The following PIEZO2 variants were observed in gnomAD, a reference collection of about 807,000 sequenced individuals.
PIEZO2 encodes piezo type mechanosensitive ion channel component 2, also known as piezo-type mechanosensitive ion channel component 2.
A neutral mutation model predicts 337.3 loss-of-function variants in PIEZO2; 172 were observed. The observed-to-expected ratio is 0.51, with a 90% CI of 0.45 to 0.58. The LOEUF (loss-of-function observed/expected upper bound fraction) is 0.58. PIEZO2 is among the 20% of genes least tolerant of loss of function. The probability of loss-of-function intolerance (pLI) is 0.00; values close to 1 mark genes in which losing one functional copy is unlikely to be tolerated. For synonymous variants in PIEZO2, 1,251 were observed against 1,228.5 expected (o/e 1.02, Z -0.38); for missense variants, 3,028 against 3,391.3 (o/e 0.89, Z 2.66).
intron 3 of PIEZO2, among the ~76,000 whole-genome samples, chr18:10,950,765 C>T (rs1049575280): frequency 1.3e-5 from 2 of 152,150 alleles, no homozygotes; most frequent in Admixed American, 6.5e-5. Flanking sequence ...CTCGTACCGG[C>T]CTTACACTGT....
Position 11,044,283 on chromosome 18 carries a change from C to T in PIEZO2, c.160+21844G>A, listed in dbSNP as rs139774023. Among the ~76,000 whole-genome samples, 1,477 of 151,568 alleles carry T rather than the reference C, an allele frequency of 9.7e-3. 34 individuals are homozygous for T. The highest frequency in any genetic ancestry group is 0.034 in the African/African-American group (1,394 of 41,368). Reference sequence around the variant, plus strand: ...ATAAAGTCTTTTCAAAATGTGGAAACAAATATTATTAATAATAACTTAAGC... The same window carrying T: ...ATAAAGTCTTTTCAAAATGTGGAAATAAATATTATTAATAATAACTTAAGC... On this transcript the variant is annotated intron_variant, in intron 2 of 55. Coordinates refer to ENST00000674853, the MANE Select transcript of PIEZO2 (RefSeq NM_001378183.1).
At position 10,851,227 on chromosome 18, in the gene PIEZO2, A is replaced by G. The variant is rs185091963; in HGVS notation, c.917+4126T>C. Among the ~76,000 whole-genome samples, 196 of 147,932 alleles carry G rather than the reference A, an allele frequency of 1.3e-3. 3 individuals carry two copies. In the Middle Eastern group the frequency reaches 0.028, roughly 21 times the overall value. On this transcript the variant is annotated intron_variant, in intron 7 of 55. Coordinates refer to ENST00000674853, the MANE Select transcript of PIEZO2 (RefSeq NM_001378183.1). ...CAGAGTTTGGGGTTAATAACAATAC[A>G]CTGAAATTATGCCCTAGGATAAAGC...
chr18:10,772,524 G>T (rs2038640703), intron 20 of PIEZO2, among the ~76,000 whole-genome samples: 1 of 151,950 alleles, frequency 6.6e-6, no homozygotes, highest in Non-Finnish European at 1.5e-5. Flanking sequence ...TCTCCTCTGT[G>T]TTCTGAGATG....
intron 14 of PIEZO2, among the ~76,000 whole-genome samples, chr18:10,790,705 CTTTT>C (rs34016331): frequency 0.011 from 1,429 of 127,868 alleles, 27 homozygotes; most frequent in African/African-American, 0.04. Flanking sequence ...TCAAATGGCA[CTTTT>C]TTTTTTTTTT....
chr18:11,024,764 G>C (rs920201281), intron 2 of PIEZO2, among the ~76,000 whole-genome samples: 12 of 151,558 alleles, frequency 7.9e-5, no homozygotes, highest in Non-Finnish European at 1.6e-4. Flanking sequence ...TCAGCCTCCT[G>C]AGTAGCTGGG....
intron 4 of PIEZO2, among the ~76,000 whole-genome samples, chr18:10,891,059 G>GC (rs1431332573): frequency 2.6e-5 from 4 of 152,102 alleles, no homozygotes; most frequent in African/African-American, 7.2e-5. Context: ...CTGGCTGGAA[G>GC]CGGTGGCTCA....
rs11080491 is a variant in PIEZO2, at chr18:11,109,609, A to C, written c.64+38916T>G. Among the ~76,000 whole-genome samples, 1 of 151,736 alleles carries C rather than the reference A, an allele frequency of 6.6e-6. No homozygotes were observed. The highest frequency in any genetic ancestry group is 1.5e-5 in the Non-Finnish European group (1 of 67,936). The stretch of plus-strand genomic sequence containing the variant: ...GGCATGCACCTGTAATCCCAGCTAC[A>C]CCGGAGGCTGAGGCAAGAGAATTGT... On this transcript the variant is annotated intron_variant, in intron 1 of 55. Coordinates refer to ENST00000674853, the MANE Select transcript of PIEZO2 (RefSeq NM_001378183.1). This position sits in a 1 kb window ranked among gnomAD's most constrained non-coding sequence, Gnocchi z 5.1.
chr18:10,749,427 T>A (rs2037558360), intron 29 of PIEZO2, among the ~76,000 whole-genome samples: 1 of 152,096 alleles, frequency 6.6e-6, no homozygotes, highest in Non-Finnish European at 1.5e-5. Context: ...TGTGCCACTG[T>A]AGTTCAGCCT....
intron 2 of PIEZO2, among the ~76,000 whole-genome samples, chr18:11,058,765 T>C (rs975749392): frequency 2.0e-5 from 3 of 151,634 alleles, no homozygotes; most frequent in Admixed American, 6.6e-5. Flanking sequence ...CCAAGAAATA[T>C]GGGACTATGT....
intron 1 of PIEZO2, among the ~76,000 whole-genome samples, chr18:11,075,294 A>G (rs536552436): frequency 1.3e-5 from 2 of 152,348 alleles, no homozygotes; most frequent in African/African-American, 4.8e-5. Context: ...AAAAAAGAGA[A>G]ATAGCTACAA....
intron 2 of PIEZO2, among the ~76,000 whole-genome samples, chr18:11,061,852 C>A (rs2037972917): frequency 6.6e-6 from 1 of 152,138 alleles, no homozygotes; most frequent in Non-Finnish European, 1.5e-5. Flanking sequence ...TTTATAGATT[C>A]AATGCCATCC....
In PIEZO2 at chr18:11,096,500, T is replaced by C. The variant is rs948775468; in HGVS notation, c.65-30278A>G. On this transcript the variant is annotated intron_variant, in intron 1 of 55. Coordinates refer to ENST00000674853, the MANE Select transcript of PIEZO2 (RefSeq NM_001378183.1). This position sits in a 1 kb window ranked among gnomAD's most constrained non-coding sequence, Gnocchi z 4.6. Reference sequence around the variant, plus strand: ...CTGTTTCTGGGTTTTGGTTTCCTCATTGATAAAACTGAAATGACGCTTTAC... The same window carrying C: ...CTGTTTCTGGGTTTTGGTTTCCTCACTGATAAAACTGAAATGACGCTTTAC... Among the ~76,000 whole-genome samples, 7 of 152,198 alleles carry C rather than the reference T, an allele frequency of 4.6e-5. No individual in the cohort carries two copies. Among genetic ancestry groups the C allele is most frequent in the African/African-American group, 1.2e-4 (5 of 41,454 alleles).
chr18:10,848,163 G>A (rs762505081), intron 7 of PIEZO2, among the ~76,000 whole-genome samples: 10 of 152,164 alleles, frequency 6.6e-5, no homozygotes, highest in East Asian at 1.9e-4. Context: ...GCAAGACCGC[G>A]GCAGACCTAA....
intron 39 of PIEZO2, among the ~76,000 whole-genome samples, chr18:10,714,083 A>G (rs1005020558): frequency 1.3e-5 from 2 of 152,120 alleles, no homozygotes; most frequent in Non-Finnish European, 1.5e-5. Context: ...TATACATCCT[A>G]GCTGTGTGAC....
At chr18:11,055,793 C>T (rs867020201) in intron 2 of PIEZO2, among the ~76,000 whole-genome samples, 17 of 152,164 alleles carry the variant, frequency 1.1e-4, no homozygotes, top group Admixed American at 5.9e-4. Context: ...GCCTCTGAGC[C>T]GCGCTGGGCC....
chr18:11,060,356 G>A (rs1332093571), intron 2 of PIEZO2, among the ~76,000 whole-genome samples: 1 of 152,148 alleles, frequency 6.6e-6, no homozygotes, highest in Non-Finnish European at 1.5e-5. Flanking sequence ...AACTAGAGAA[G>A]CAAGAGCAAA....
At chr18:10,928,668 C>T (rs950277595) in intron 3 of PIEZO2, among the ~76,000 whole-genome samples, 2 of 152,254 alleles carry the variant, frequency 1.3e-5, no homozygotes, top group Admixed American at 6.5e-5. Flanking sequence ...TCCACAAGTA[C>T]GCATTAAATT....
Position 10,837,165 on chromosome 18 carries a change from T to G in PIEZO2, c.917+18188A>C, listed in dbSNP as rs2041040926. ...AGCATGTGAGGAGGAGGGGATGGTGTGCACTCCTGTTGTGGACGGTAACAG... is the reference window on the plus strand; with the variant it reads ...AGCATGTGAGGAGGAGGGGATGGTGGGCACTCCTGTTGTGGACGGTAACAG... On this transcript the variant is annotated intron_variant, in intron 7 of 55. Transcript: ENST00000674853. This position sits in a 1 kb window ranked among gnomAD's most constrained non-coding sequence, Gnocchi z 4.4. Among the ~76,000 whole-genome samples the G allele has an allele frequency of 6.6e-6, 1 of 152,194 alleles. No homozygotes were observed. Among genetic ancestry groups the G allele is most frequent in the African/African-American group, 2.4e-5 (1 of 41,454 alleles).
At position 11,096,699 on chromosome 18, in the gene PIEZO2, T is replaced by C. The variant is rs965710858; in HGVS notation, c.65-30477A>G. On this transcript the variant is annotated intron_variant, in intron 1 of 55. Transcript: ENST00000674853. This position sits in a 1 kb window ranked among gnomAD's most constrained non-coding sequence, Gnocchi z 4.6. Reference sequence around the variant, plus strand: ...CTCTTGTCTTTCAAGGAGATATATCTAAAAACTGTGGAAGTGAAAGACATT... The same window carrying C: ...CTCTTGTCTTTCAAGGAGATATATCCAAAAACTGTGGAAGTGAAAGACATT... Among the ~76,000 whole-genome samples the C allele has an allele frequency of 2.6e-5, 4 of 152,118 alleles. No individual in the cohort carries two copies. The highest frequency in any genetic ancestry group is 9.7e-5 in the African/African-American group (4 of 41,426).
Sources: gnomAD v4.1 joint callset for allele counts (sites outside exome capture counted in the v4.1 genomes callset) on GRCh38, gnomAD v4.1.1 for gene constraint, Gnocchi (gnomAD v3.1) non-coding constraint, MANE v1.5 for transcripts, NCBI Gene and HGNC (gene_info 2026-07-23, HGNC 2026-07-21) for gene names.